Variants in ALK observed in about 807,000 individuals in gnomAD.
ALK encodes the protein ALK tyrosine kinase receptor.
Under a neutral mutation model 163.1 loss-of-function variants are expected in ALK, and 74 were observed. The ratio of observed to expected loss-of-function variants is 0.45; its 90% CI spans 0.38 to 0.55. The LOEUF (loss-of-function observed/expected upper bound fraction) is 0.55, where lower values mean the gene tolerates loss of function less well. ALK is among the 20% of genes least tolerant of loss of function. ALK has a pLI of 0.00. For synonymous variants in ALK, 960 were observed against 843.2 expected (o/e 1.14, Z -2.40); for missense variants, 2,063 against 2,105.3 (o/e 0.98, Z 0.39).
At chr2:29,387,832 T>C (rs575485184) in intron 4 of ALK, among the ~76,000 whole-genome samples, 3 of 152,294 alleles carry the variant, frequency 2.0e-5, no homozygotes, top group African/African-American at 4.8e-5. Context: ...AGGTCACACA[T>C]TGAGTTACCT....
chr2:29,417,952 C>T (rs775760535), intron 4 of ALK, among the ~76,000 whole-genome samples: 3 of 152,162 alleles, frequency 2.0e-5, no homozygotes, highest in Admixed American at 6.6e-5. Flanking sequence ...TTATTTTCTG[C>T]GAATACAGTT....
Position 29,683,991 on chromosome 2 carries a change from C to G in ALK, c.952+10859G>C, listed in dbSNP as rs559096563. On this transcript the variant is annotated intron_variant, in intron 3 of 28. Coordinates refer to ENST00000389048, the MANE Select transcript of ALK (RefSeq NM_004304.5). Reference sequence around the variant, plus strand: ...CCTCTTCAACTTACGTTGAACCAGTCTTTCTCTATCTTGAATGAGTAAAGA... The same window carrying G: ...CCTCTTCAACTTACGTTGAACCAGTGTTTCTCTATCTTGAATGAGTAAAGA... 9.4e-4 allele frequency among the ~76,000 whole-genome samples: 143 copies of G among 152,318 alleles called. 1 individual carries two copies. The highest frequency in any genetic ancestry group is 3.4e-3 in the African/African-American group (142 of 41,570).
chr2:29,502,327 T>C lies in ALK; in HGVS notation c.1154+29588A>G, dbSNP rs1418439481. On this transcript the variant is annotated intron_variant, in intron 4 of 28. Coordinates refer to ENST00000389048, the MANE Select transcript of ALK (RefSeq NM_004304.5). Reference sequence around the variant, plus strand: ...GTACAGAGTTAATGCATAGTTAAGATTTGCTGAATGAATGGATGAATGAAT... The same window carrying C: ...GTACAGAGTTAATGCATAGTTAAGACTTGCTGAATGAATGGATGAATGAAT... Among the ~76,000 whole-genome samples, 5 of 152,116 alleles carry C rather than the reference T, an allele frequency of 3.3e-5. No homozygotes were observed. In the East Asian group the frequency reaches 9.6e-4, roughly 29 times the overall value.
At position 29,481,274 on chromosome 2, in the gene ALK, C is replaced by T. The variant is rs115085159; in HGVS notation, c.1154+50641G>A. On this transcript the variant is annotated intron_variant, in intron 4 of 28. Transcript: ENST00000389048. ...CCTCTTAGTAAGAAAACAAACTTGA[C>T]GGTAAGAATTCATTAAATTGCCAAT... 2.9e-3 allele frequency among the ~76,000 whole-genome samples: 439 copies of T among 152,260 alleles called. 1 individual carries two copies. The highest frequency in any genetic ancestry group is 9.5e-3 in the South Asian group (46 of 4,826).
chr2:29,695,817 A>G (rs892742710), intron 2 of ALK, among the ~76,000 whole-genome samples: 8 of 152,236 alleles, frequency 5.3e-5, no homozygotes, highest in African/African-American at 1.9e-4. Context: ...ACAATGAGAT[A>G]CCATCTCACA....
chr2:29,783,978 C>T (rs1288653812), intron 1 of ALK, among the ~76,000 whole-genome samples: 2 of 152,114 alleles, frequency 1.3e-5, no homozygotes, highest in African/African-American at 4.8e-5. Flanking sequence ...TGAGAAACTC[C>T]AAGGGCTACT....
intron 3 of ALK, among the ~76,000 whole-genome samples, chr2:29,672,747 G>A (rs1424389027): frequency 2.0e-5 from 3 of 151,628 alleles, no homozygotes; most frequent in African/African-American, 4.9e-5. Context: ...CTGAGGAATC[G>A]CCACACTGAC....
chr2:29,639,082 T>G (rs1247094721), intron 3 of ALK, among the ~76,000 whole-genome samples: 2 of 152,200 alleles, frequency 1.3e-5, no homozygotes, highest in African/African-American at 2.4e-5. Context: ...GAAAACACTC[T>G]AATTCTGACC....
intron 9 of ALK, among the ~76,000 whole-genome samples, chr2:29,285,845 G>A (rs1277040997): frequency 6.6e-6 from 1 of 152,152 alleles, no homozygotes; most frequent in Non-Finnish European, 1.5e-5. Context: ...TTACAGTTAT[G>A]AGCCACCGCA....
Position 29,358,121 on chromosome 2 carries a change from G to A in ALK, c.1282+25611C>T, listed in dbSNP as rs140886593. Among the ~76,000 whole-genome samples the A allele has an allele frequency of 4.7e-3, 716 of 152,274 alleles. 8 individuals carry two copies. Among genetic ancestry groups the A allele is most frequent in the African/African-American group, 0.017 (690 of 41,544 alleles). On this transcript the variant is annotated intron_variant, in intron 5 of 28. Coordinates refer to ENST00000389048, the MANE Select transcript of ALK (RefSeq NM_004304.5). ...CAGAACCAGAGTCCATAACCAATATGGTACTGAGTTTGTCAGGAGTACCTA... is the reference window on the plus strand; with the variant it reads ...CAGAACCAGAGTCCATAACCAATATAGTACTGAGTTTGTCAGGAGTACCTA...
chr2:29,896,777 T>C (rs1039426241), intron 1 of ALK, among the ~76,000 whole-genome samples: 16 of 152,216 alleles, frequency 1.1e-4, no homozygotes, highest in African/African-American at 3.9e-4. Context: ...ATCACGCACC[T>C]CCACATGATC....
chr2:29,193,279 TG>T lies in ALK; in HGVS notation c.4807del (p.His1603IlefsTer7), dbSNP rs772438558. On this transcript the variant is annotated frameshift_variant, in exon 29 of 29. Coordinates refer to ENST00000389048, the MANE Select transcript of ALK (RefSeq NM_004304.5). LOFTEE classifies it high-confidence loss of function. ...GCTTTTCAGAATGGTATCCTCGTAA[TG>T]ACCAGCTCCAGGGGCAGTAGCGGCT... Reference protein sequence around the residue: ...LEAATAPGAGHYEDTILKSKN... With the variant: ...LEAATAPGAGXYEDTILKSKN... The T allele has an allele frequency of 6.2e-7, 1 of 1,614,196 alleles. No homozygotes were observed. Among genetic ancestry groups the T allele is most frequent in the Non-Finnish European group, 8.5e-7 (1 of 1,180,012 alleles).
chr2:29,655,158 C>T (rs1677150761), intron 3 of ALK, among the ~76,000 whole-genome samples: 1 of 152,100 alleles, frequency 6.6e-6, no homozygotes, highest in Admixed American at 6.5e-5. Context: ...ATTTATCAAC[C>T]TTCAAAGTCT....
chr2:29,792,044 A>C (rs1223154545), intron 1 of ALK, among the ~76,000 whole-genome samples: 1 of 152,226 alleles, frequency 6.6e-6, no homozygotes, highest in Non-Finnish European at 1.5e-5. Flanking sequence ...AAACAATTCT[A>C]ACCAAAACAT....
chr2:29,431,924 T>C (rs1670281723), intron 4 of ALK, among the ~76,000 whole-genome samples: 1 of 152,012 alleles, frequency 6.6e-6, no homozygotes, highest in Non-Finnish European at 1.5e-5. Context: ...GAGAATATCC[T>C]GTCCCGTCCC....
intron 1 of ALK, among the ~76,000 whole-genome samples, chr2:29,799,474 C>G (rs1218425378): frequency 6.6e-6 from 1 of 152,040 alleles, no homozygotes; most frequent in African/African-American, 2.4e-5. Flanking sequence ...TGAGACCAGC[C>G]TGGGAAACAC....
chr2:29,252,230 C>A (rs1237184576), intron 11 of ALK, among the ~76,000 whole-genome samples: 1 of 142,904 alleles, frequency 7.0e-6, no homozygotes, highest in Non-Finnish European at 1.5e-5. Flanking sequence ...CCAGACCAAA[C>A]CTTGGGGAGT....
intron 11 of ALK, among the ~76,000 whole-genome samples, chr2:29,270,448 G>A (rs1665353299): frequency 2.0e-5 from 3 of 152,210 alleles, no homozygotes; most frequent in African/African-American, 7.2e-5. Flanking sequence ...GTGATGCAAA[G>A]CCTTTGCTTT....
chr2:29,314,048 T>C (rs1175233055), intron 8 of ALK, among the ~76,000 whole-genome samples: 1 of 152,150 alleles, frequency 6.6e-6, no homozygotes, highest in Non-Finnish European at 1.5e-5. Context: ...ACAGCCTGCC[T>C]CTCGGCTTCC....
Sources: allele counts gnomAD v4.1 joint callset (sites outside exome capture counted in the v4.1 genomes callset), GRCh38; gene constraint gnomAD v4.1.1; transcripts MANE v1.5; gene names NCBI Gene and HGNC (gene_info 2026-07-23, HGNC 2026-07-21).